The following RELN variants were observed in gnomAD, a reference collection of about 807,000 sequenced individuals.
RELN encodes the protein reelin.
RELN carries 108 observed loss-of-function variants against 427.6 expected under a neutral mutation model. The ratio of observed to expected loss-of-function variants is 0.25; its 90% CI spans 0.22 to 0.30. RELN has a LOEUF of 0.30. RELN is among the 10% of genes least tolerant of loss of function. The probability of loss-of-function intolerance (pLI) is 1.00; values close to 1 mark genes in which losing one functional copy is unlikely to be tolerated. For synonymous variants in RELN, 1,524 were observed against 1,513.4 expected, an observed-to-expected ratio of 1.01 and a Z score of -0.16; for missense variants, 3,715 against 4,302.8, an observed-to-expected ratio of 0.86 and a Z score of 3.82.
At chr7:103,761,025 C>T (rs1285624237) in intron 4 of RELN, among the ~76,000 whole-genome samples, 2 of 152,096 alleles carry the variant, frequency 1.3e-5, no homozygotes, top group African/African-American at 4.8e-5. Context: ...CATACTTATG[C>T]TCAGTATAAA....
chr7:103,959,442 T>C (rs113337977), intron 1 of RELN, among the ~76,000 whole-genome samples: 1 of 152,170 alleles, frequency 6.6e-6, no homozygotes, highest in African/African-American at 2.4e-5. Context: ...GCATCACATA[T>C]GTGTCCAACA....
rs1233054313 is a variant in RELN, at chr7:103,561,629, T to C, written c.5432A>G (p.Asn1811Ser). The change falls in exon 36 of 65, where the codon AAT (asparagine) becomes AGT (serine). Residue 1811 changes from asparagine (N) to serine (S), a missense_variant. Physicochemically the swap from Asn to Ser is conservative, Grantham distance 46. Transcript: ENST00000428762. The part of the protein sequence containing the change: ...PSILKDDFNG[N>S]LHPDLWPEVY... ...TTCAGGCCAAAGGTCAGGATGTAAA[T>C]TCCCATTGAAATCGTCTTTAAGAAT... 3.1e-6 allele frequency: 5 copies of C among 1,613,930 alleles called. No individual in the cohort carries two copies. Among genetic ancestry groups the C allele is most frequent in the Non-Finnish European group, 4.2e-6 (5 of 1,179,898 alleles).
At chr7:103,693,418 C>T (rs961717860) in intron 10 of RELN, among the ~76,000 whole-genome samples, 24 of 151,596 alleles carry the variant, frequency 1.6e-4, no homozygotes, top group African/African-American at 4.4e-4. Context: ...AGCTAGATGA[C>T]GGGTTGATAG....
intron 2 of RELN, among the ~76,000 whole-genome samples, chr7:103,864,584 AGTCCTCCAG>A (rs893028651): frequency 2.6e-5 from 4 of 152,160 alleles, no homozygotes; most frequent in Admixed American, 2.0e-4. Context: ...CTTTGCACGA[AGTCCTCCAG>A]GTCCATCTGT....
chr7:103,715,489 G>A lies in RELN; in HGVS notation c.805+7651C>T, dbSNP rs186550490. On this transcript the variant is annotated intron_variant, in intron 8 of 64. Transcript: ENST00000428762. ...TCTTTCTGGCTAAATGTGACAGTGCGTGATTTATTGTACTTAATATTTTGT... is the reference window on the plus strand; with the variant it reads ...TCTTTCTGGCTAAATGTGACAGTGCATGATTTATTGTACTTAATATTTTGT... Among the ~76,000 whole-genome samples, 11 of 152,242 alleles carry A rather than the reference G, an allele frequency of 7.2e-5. No individual in the cohort carries two copies. In the East Asian group the frequency reaches 9.7e-4, roughly 13 times the overall value.
In RELN at chr7:103,917,075, C is replaced by G. The variant is rs772133440; in HGVS notation, c.337G>C (p.Gly113Arg). 5.6e-6 allele frequency: 9 copies of G among 1,611,424 alleles called. No individual in the cohort carries two copies. In the South Asian group the frequency reaches 9.9e-5, roughly 18 times the overall value. The change falls in exon 2 of 65, where the codon GGG becomes CGG. Residue 113 changes from glycine (G) to arginine (R), a missense_variant and splice_region_variant. By Grantham distance (125) the Gly-to-Arg change is moderately radical (BLOSUM62 -2). Transcript: ENST00000428762. ...SIGGSSAFGF[G>R]IMSDHQFGNQ... is the part of the protein sequence containing the mutation. ...TTTCTGGTTTGTGAGAATAGCTTAC[C>G]AAATCCGAAAGCACTGGAACCTCCA...
intron 3 of RELN, among the ~76,000 whole-genome samples, chr7:103,819,540 C>T (rs960889394): frequency 6.6e-6 from 1 of 152,060 alleles, no homozygotes; most frequent in African/African-American, 2.4e-5. Flanking sequence ...AGAATAAATG[C>T]TCTTCAAGAG....
At chr7:103,825,792 T>C (rs577037712) in intron 3 of RELN, among the ~76,000 whole-genome samples, 4 of 152,108 alleles carry the variant, frequency 2.6e-5, no homozygotes, top group Non-Finnish European at 5.9e-5. Flanking sequence ...TTATTTAATT[T>C]TAATGAATTC....
At chr7:103,816,196 TG>T (rs1302517542) in intron 3 of RELN, among the ~76,000 whole-genome samples, 1 of 152,098 alleles carries the variant, frequency 6.6e-6, no homozygotes, top group Non-Finnish European at 1.5e-5. Context: ...CTGGCCAACA[TG>T]GTGAAACCCC....
rs555120090 is a variant in RELN at position 103,766,691 on chromosome 7, G to T, written c.544+9866C>A. 2.6e-5 allele frequency among the ~76,000 whole-genome samples: 4 copies of T among 152,308 alleles called. 1 individual carries two copies. The highest frequency in any genetic ancestry group is 9.6e-5 in the African/African-American group (4 of 41,562). ...ACAAATGATTTAAAAATTGCAAAGA[G>T]TTTGCATTTGGGATGAAGCATATAT... On this transcript the variant is annotated intron_variant, in intron 4 of 64. Transcript: ENST00000428762.
In RELN at chr7:103,735,068, T is replaced by C. The variant is rs377513033; in HGVS notation, c.657-6861A>G. Among the ~76,000 whole-genome samples, 92 of 152,206 alleles carry C rather than the reference T, an allele frequency of 6.0e-4. 2 individuals are homozygous for C. The highest frequency in any genetic ancestry group is 2.2e-3 in the African/African-American group (91 of 41,532). ...TTTATATGTACACCATCTCTTTTTT[T>C]TCACTAACAAAAACATAAAAGAATC... On this transcript the variant is annotated intron_variant, in intron 6 of 64. Transcript: ENST00000428762.
At chr7:103,713,715 G>A (rs1160526340) in intron 8 of RELN, among the ~76,000 whole-genome samples, 1 of 151,070 alleles carries the variant, frequency 6.6e-6, no homozygotes. Context: ...TTATTCACTA[G>A]GGAGAAAATA....
chr7:103,553,333 A>G (rs1052309356), intron 40 of RELN, 128 bp downstream of exon 40: 13 of 707,952 alleles, frequency 1.8e-5, no homozygotes, highest in Middle Eastern at 3.2e-4. Context: ...ATGATGCCAA[A>G]ATCTCTTACA....
At chr7:103,806,722 T>G (rs1563024514) in intron 3 of RELN, among the ~76,000 whole-genome samples, 2 of 152,292 alleles carry the variant, frequency 1.3e-5, no homozygotes, top group East Asian at 3.9e-4. Context: ...ATCCGAAAAG[T>G]GAATTATTAT....
In RELN at chr7:103,556,966, T is replaced by C. The variant is rs765957925; in HGVS notation, c.5797+11A>G. 1.9e-5 allele frequency: 31 copies of C among 1,601,516 alleles called. No individual in the cohort carries two copies. In the East Asian group the frequency reaches 5.1e-4, roughly 27 times the overall value. On this transcript the variant is annotated intron_variant, in intron 38 of 64. Transcript: ENST00000428762. ...TCAGTTCTGATCACAGGAGAACACA[T>C]GCATTTTTACCGTTATTATAAGGTT...
intron 53 of RELN, among the ~76,000 whole-genome samples, chr7:103,498,825 A>C (rs1386657753): frequency 2.0e-5 from 1 of 51,058 alleles, no homozygotes; most frequent in Non-Finnish European, 3.1e-5. Flanking sequence ...GTAAAAAGTT[A>C]GTTAGTTATT....
chr7:103,793,484 G>A (rs17156116), intron 3 of RELN, among the ~76,000 whole-genome samples: 1,840 of 152,238 alleles, frequency 0.012, 49 homozygotes, highest in African/African-American at 0.042. Context: ...ACCATAATTA[G>A]ACTGACTCTT....
intron 1 of RELN, among the ~76,000 whole-genome samples, chr7:103,972,476 T>C (rs75379889): frequency 6.6e-6 from 1 of 152,278 alleles, no homozygotes; most frequent in East Asian, 1.9e-4. Flanking sequence ...TCTACAATAT[T>C]TCTTAGAATT....
At chr7:103,909,476 T>C (rs1432566267) in intron 2 of RELN, among the ~76,000 whole-genome samples, 2 of 150,280 alleles carry the variant, frequency 1.3e-5, no homozygotes, top group Middle Eastern at 3.4e-3. Context: ...GAAGTTTTTC[T>C]TAAAATATTT....
Sources: gnomAD v4.1 joint callset for allele counts (sites outside exome capture counted in the v4.1 genomes callset) on GRCh38, gnomAD v4.1.1 for gene constraint, MANE v1.5 for transcripts, NCBI Gene and HGNC (gene_info 2026-07-23, HGNC 2026-07-21) for gene names.